Variants in SWT1 observed in about 807,000 individuals in gnomAD.
The protein encoded by SWT1 is SWT1 RNA endoribonuclease homolog, also known as transcriptional protein SWT1.
Under a neutral mutation model 107.3 loss-of-function variants are expected in SWT1, and 33 were observed. That is an observed-to-expected ratio of 0.31 (90% confidence interval 0.23 to 0.41). The LOEUF (loss-of-function observed/expected upper bound fraction) is 0.41, where lower values mean the gene tolerates loss of function less well. SWT1 is among the 10% of genes least tolerant of loss of function. The probability of loss-of-function intolerance (pLI) is 1.00; values close to 1 mark genes in which losing one functional copy is unlikely to be tolerated. For missense variants in SWT1, 898 were observed against 1,028.9 expected, an observed-to-expected ratio of 0.87 and a Z score of 1.74; for synonymous variants, 345 against 348.3, an observed-to-expected ratio of 0.99 and a Z score of 0.11.
intron 16 of SWT1, among the ~76,000 whole-genome samples, chr1:185,235,591 C>G (rs927257452): frequency 2.6e-5 from 4 of 152,140 alleles, no homozygotes; most frequent in African/African-American, 9.7e-5. Context: ...TTACGACAAA[C>G]CCATAGCCAG....
At chr1:185,190,059 G>A (rs1656820697) in intron 9 of SWT1, among the ~76,000 whole-genome samples, 4 of 152,042 alleles carry the variant, frequency 2.6e-5, no homozygotes, top group Admixed American at 1.3e-4. Context: ...TGTTAGCCAG[G>A]CCGGTCTCGA....
chr1:185,239,623 A>C (rs1400488369), intron 16 of SWT1, among the ~76,000 whole-genome samples: 1 of 152,000 alleles, frequency 6.6e-6, no homozygotes, highest in Non-Finnish European at 1.5e-5. Flanking sequence ...CTTTTCTTTT[A>C]TATGTATACA....
intron 16 of SWT1, among the ~76,000 whole-genome samples, chr1:185,243,608 A>G (rs966067193): frequency 7.9e-5 from 12 of 152,180 alleles, no homozygotes; most frequent in Non-Finnish European, 1.3e-4. Flanking sequence ...ACTTAACCGT[A>G]TATCAGAAAC....
chr1:185,225,888 G>T (rs1660015658), intron 15 of SWT1, among the ~76,000 whole-genome samples: 1 of 152,192 alleles, frequency 6.6e-6, no homozygotes, highest in Admixed American at 6.5e-5. Context: ...CTTCTATTTA[G>T]TGTGCATAAA....
At chr1:185,164,879 A>T (rs1654446568) in intron 2 of SWT1, among the ~76,000 whole-genome samples, 1 of 152,164 alleles carries the variant, frequency 6.6e-6, no homozygotes, top group East Asian at 1.9e-4. Flanking sequence ...TCCTTCAATA[A>T]CTTTTCCTTT....
At chr1:185,195,355 T>C (rs1657296064) in intron 10 of SWT1, among the ~76,000 whole-genome samples, 1 of 152,202 alleles carries the variant, frequency 6.6e-6, no homozygotes, top group African/African-American at 2.4e-5. Flanking sequence ...TGCATAGTAT[T>C]CCATGGTGTA....
chr1:185,194,580 A>T (rs1461532073), intron 10 of SWT1, among the ~76,000 whole-genome samples: 2 of 152,108 alleles, frequency 1.3e-5, no homozygotes, highest in African/African-American at 2.4e-5. Flanking sequence ...TTAAAAAAAA[A>T]AAAGTCTTTT....
At chr1:185,176,538 T>G (rs188341031) in intron 5 of SWT1, 2 of 971,572 alleles carry the variant, frequency 2.1e-6, no homozygotes, top group East Asian at 1.1e-4. Context: ...ACCTAATCTC[T>G]ATAATTTTGT....
chr1:185,246,919 A>G (rs1214039552), intron 16 of SWT1, among the ~76,000 whole-genome samples: 1 of 152,106 alleles, frequency 6.6e-6, no homozygotes, highest in Non-Finnish European at 1.5e-5. Context: ...GTGAGCCACC[A>G]TGCCTGACCA....
chr1:185,187,202 G>C (rs868313181), intron 9 of SWT1, among the ~76,000 whole-genome samples: 49 of 151,548 alleles, frequency 3.2e-4, no homozygotes, highest in African/African-American at 1.2e-3. Flanking sequence ...TGGGATTACA[G>C]GTGTGAGCCA....
Position 185,174,821 on chromosome 1 carries a change from T to G in SWT1, c.674T>G (p.Leu225Trp). The change falls in exon 5 of 19, where the codon TTG becomes TGG. Residue 225 changes from leucine to tryptophan, a missense_variant. Physicochemically the swap from Leu to Trp is moderately conservative, Grantham distance 61. This residue lies in a region of SWT1 where 382 missense variants were observed against 362.4 expected (regional missense o/e 1.05). Coordinates refer to ENST00000367500, the MANE Select transcript of SWT1 (RefSeq NM_017673.7). ...YNSNKIIKEP[L>W]GSRRQKISFK... ...TCCAACAAGATAATTAAGGAACCCTTGGGATCTAGAAGACAGAAGATCAGT... is the reference window on the plus strand; with the variant it reads ...TCCAACAAGATAATTAAGGAACCCTGGGGATCTAGAAGACAGAAGATCAGT... The G allele has an allele frequency of 6.2e-7, 1 of 1,613,844 alleles. No homozygotes were observed. Among genetic ancestry groups the G allele is most frequent in the Non-Finnish European group, 8.5e-7 (1 of 1,179,946 alleles).
intron 14 of SWT1, among the ~76,000 whole-genome samples, chr1:185,217,038 G>A (rs897507497): frequency 3.3e-5 from 5 of 152,006 alleles, no homozygotes; most frequent in African/African-American, 9.7e-5. Context: ...CATTTGCTAC[G>A]TTAGCAAGAG....
chr1:185,279,658 C>T (rs1046490906), intron 18 of SWT1, among the ~76,000 whole-genome samples: 18 of 151,092 alleles, frequency 1.2e-4, no homozygotes, highest in African/African-American at 4.1e-4. Flanking sequence ...ATATTTGTCT[C>T]TGGTGTGCTC....
chr1:185,197,544 C>A (rs1255973061), intron 10 of SWT1, among the ~76,000 whole-genome samples: 1 of 152,130 alleles, frequency 6.6e-6, no homozygotes, highest in East Asian at 1.9e-4. Context: ...GCCAGCTTCT[C>A]TTTGTTCCTC....
intron 10 of SWT1, 111 bp downstream of exon 10, chr1:185,190,753 A>G (rs1656881249): frequency 3.2e-6 from 2 of 621,052 alleles, no homozygotes; most frequent in African/African-American, 3.7e-5. Context: ...TAATTTTCCA[A>G]ATCTGCCAGT....
At chr1:185,243,624 G>C (rs1442336634) in intron 16 of SWT1, among the ~76,000 whole-genome samples, 1 of 152,026 alleles carries the variant, frequency 6.6e-6, no homozygotes, top group Non-Finnish European at 1.5e-5. Context: ...GAAACCTCTG[G>C]AATTATTAAA....
intron 14 of SWT1, among the ~76,000 whole-genome samples, chr1:185,220,371 C>G (rs1161332582): frequency 6.6e-6 from 1 of 151,774 alleles, no homozygotes; most frequent in East Asian, 1.9e-4. Flanking sequence ...TTCTGATTAT[C>G]AAAATTACCC....
intron 15 of SWT1, chr1:185,226,865 A>T: frequency 6.5e-7 from 1 of 1,531,442 alleles, no homozygotes; most frequent in Non-Finnish European, 8.8e-7. Flanking sequence ...GAGCTACCCG[A>T]TCTTTCTTCT....
chr1:185,176,426 C>T, intron 5 of SWT1: 1 of 267,912 alleles, frequency 3.7e-6, no homozygotes, highest in Non-Finnish European at 5.7e-6. Flanking sequence ...ATATTTTAGG[C>T]AGAGGGAGCT....
Sources: allele counts gnomAD v4.1 joint callset (sites outside exome capture counted in the v4.1 genomes callset), GRCh38; gene constraint gnomAD v4.1.1; regional missense constraint gnomAD v4.1.1; transcripts MANE v1.5; gene names NCBI Gene and HGNC (gene_info 2026-07-23, HGNC 2026-07-21).